The following FBXO15 variants were observed in gnomAD, a reference collection of about 807,000 sequenced individuals.
FBXO15 encodes F-box protein 15.
A neutral mutation model predicts 49.5 loss-of-function variants in FBXO15; 30 were observed. The ratio of observed to expected loss-of-function variants is 0.61; its 90% CI spans 0.45 to 0.82. FBXO15 has a LOEUF of 0.82. Among genes scored for constraint, FBXO15 ranks in the 40% least tolerant of loss-of-function variants. The pLI, the probability that FBXO15 is intolerant of heterozygous loss-of-function variation, is 0.00. For synonymous variants in FBXO15, 250 were observed against 232.7 expected (o/e 1.07, Z -0.68); for missense variants, 591 against 631.5 (o/e 0.94, Z 0.69).
intron 8 of FBXO15, 195 bp downstream of exon 8, chr18:74,123,167 AGGAGAC>A: frequency 4.1e-6 from 2 of 491,040 alleles, no homozygotes; most frequent in Admixed American, 3.9e-5. Context: ...ATGGTGGTGA[AGGAGAC>A]AGAGCCAGTT....
intron 4 of FBXO15, among the ~76,000 whole-genome samples, chr18:74,130,145 A>G (rs1978320613): frequency 6.6e-6 from 1 of 152,174 alleles, no homozygotes; most frequent in Non-Finnish European, 1.5e-5. Flanking sequence ...AACTGTTGTT[A>G]TTATGTATAA....
intron 3 of FBXO15, among the ~76,000 whole-genome samples, chr18:74,133,556 C>T (rs1978527004): frequency 6.6e-6 from 1 of 152,202 alleles, no homozygotes. Context: ...TTAGTGACCA[C>T]CTTCATCTCT....
chr18:74,144,481 C>T (rs565930934), intron 1 of FBXO15, among the ~76,000 whole-genome samples: 1 of 152,082 alleles, frequency 6.6e-6, no homozygotes, highest in Non-Finnish European at 1.5e-5. Context: ...CAGCACAATC[C>T]TTGAGACTGG....
At chr18:74,126,531 A>C (rs919053192) in intron 5 of FBXO15, among the ~76,000 whole-genome samples, 1 of 152,256 alleles carries the variant, frequency 6.6e-6, no homozygotes, top group African/African-American at 2.4e-5. Flanking sequence ...GGGTGGTCTC[A>C]GGAGATGGCT....
At chr18:74,084,419 A>T (rs1912639695) in intron 8 of FBXO15, among the ~76,000 whole-genome samples, 1 of 152,244 alleles carries the variant, frequency 6.6e-6, no homozygotes, top group African/African-American at 2.4e-5. Context: ...TGGCAGAGGC[A>T]GTGGCAGGGG....
chr18:74,132,781 A>C (rs1025955430), intron 3 of FBXO15, among the ~76,000 whole-genome samples: 1 of 152,230 alleles, frequency 6.6e-6, no homozygotes, highest in Non-Finnish European at 1.5e-5. Flanking sequence ...AAATGGGGCC[A>C]ATTTAATGTT....
intron 3 of FBXO15, among the ~76,000 whole-genome samples, chr18:74,135,037 C>A (rs1402909616): frequency 6.6e-6 from 1 of 152,124 alleles, no homozygotes; most frequent in Non-Finnish European, 1.5e-5. Flanking sequence ...CTGTTGTAAG[C>A]CACGAAATCC....
chr18:74,085,705 T>A (rs1912707694), intron 8 of FBXO15, among the ~76,000 whole-genome samples: 1 of 152,244 alleles, frequency 6.6e-6, no homozygotes, highest in Non-Finnish European at 1.5e-5. Context: ...AATGATTTGA[T>A]GAGCAAAGAA....
intron 9 of FBXO15, among the ~76,000 whole-genome samples, chr18:74,081,494 T>C (rs1912494644): frequency 6.6e-6 from 1 of 152,262 alleles, no homozygotes; most frequent in Admixed American, 6.5e-5. Flanking sequence ...AGGAAATCCC[T>C]ATATCCTGGA....
intron 8 of FBXO15, among the ~76,000 whole-genome samples, chr18:74,096,521 C>T (rs1913281522): frequency 6.7e-6 from 1 of 148,816 alleles, no homozygotes; most frequent in South Asian, 2.1e-4. Context: ...AAATACATCC[C>T]ATAAAAAAAA....
At chr18:74,094,335 T>C (rs1316689031) in intron 8 of FBXO15, among the ~76,000 whole-genome samples, 3 of 152,134 alleles carry the variant, frequency 2.0e-5, no homozygotes, top group African/African-American at 7.2e-5. Flanking sequence ...TGTTTAAAAG[T>C]ATGTGGCCTC....
rs570587621 is a variant in FBXO15, at chr18:74,128,289, C to T, written c.785+1116G>A. ...ACTAAAACAATGCTCAAAGAGCAGG[C>T]GCCATGGAGAGGAGCCAAAAACAAG... is the stretch of plus-strand genomic sequence containing the variant. On this transcript the variant is annotated intron_variant, in intron 5 of 9. Transcript: ENST00000419743. Among the ~76,000 whole-genome samples the T allele has an allele frequency of 8.7e-4, 131 of 151,218 alleles. 1 individual carries two copies. The highest frequency in any genetic ancestry group is 3.0e-3 in the African/African-American group (123 of 41,158).
At chr18:74,139,586 C>T (rs1487196491) in intron 2 of FBXO15, among the ~76,000 whole-genome samples, 2 of 152,212 alleles carry the variant, frequency 1.3e-5, no homozygotes, top group African/African-American at 2.4e-5. Flanking sequence ...ATATCTGAAT[C>T]ACACAGTTCT....
At chr18:74,079,842 T>A (rs1318357656) in intron 9 of FBXO15, among the ~76,000 whole-genome samples, 1 of 152,140 alleles carries the variant, frequency 6.6e-6, no homozygotes, top group African/African-American at 2.4e-5. Context: ...ACATCAGATG[T>A]CCTTTCACGA....
chr18:74,114,221 T>C (rs1202556296), intron 8 of FBXO15, among the ~76,000 whole-genome samples: 1 of 152,220 alleles, frequency 6.6e-6, no homozygotes, highest in Admixed American at 6.5e-5. Context: ...GAGTCTCTAA[T>C]GAGCTCTCAT....
At position 74,141,961 on chromosome 18, in the gene FBXO15, A is replaced by G. The variant is rs74790104; in HGVS notation, c.117-1649T>C. Among the ~76,000 whole-genome samples, 847 of 152,314 alleles carry G rather than the reference A, an allele frequency of 5.6e-3. 8 individuals are homozygous for G. The highest frequency in any genetic ancestry group is 0.02 in the African/African-American group (815 of 41,558). On this transcript the variant is annotated intron_variant, in intron 1 of 9. Coordinates refer to ENST00000419743, the MANE Select transcript of FBXO15 (RefSeq NM_001142958.2). ...TAGAAAAAAGCACAGTAGCTGGTAC[A>G]GGGTAGGCCCTCCACAAATATTAGT...
intron 8 of FBXO15, among the ~76,000 whole-genome samples, chr18:74,096,103 TC>T (rs1461587657): frequency 2.0e-5 from 3 of 152,110 alleles, no homozygotes; most frequent in Admixed American, 6.6e-5. Flanking sequence ...ACAACCAGCT[TC>T]CCCACCATCT....
chr18:74,124,362 G>T, intron 7 of FBXO15, 127 bp downstream of exon 7: 1 of 714,904 alleles, frequency 1.4e-6, no homozygotes, highest in East Asian at 2.6e-5. Context: ...TGTGCCTGTT[G>T]GTTTGTGTTT....
chr18:74,111,203 C>T (rs1202249344), intron 8 of FBXO15, among the ~76,000 whole-genome samples: 2 of 149,336 alleles, frequency 1.3e-5, no homozygotes, highest in African/African-American at 5.0e-5. Context: ...CGGTGCCTCA[C>T]ACCTATAATC....
Sources: allele counts gnomAD v4.1 joint callset (sites outside exome capture counted in the v4.1 genomes callset), GRCh38; gene constraint gnomAD v4.1.1; transcripts MANE v1.5; gene names NCBI Gene and HGNC (gene_info 2026-07-23, HGNC 2026-07-21).